Variants in MTRR observed in about 807,000 individuals in gnomAD.
MTRR encodes 5-methyltetrahydrofolate-homocysteine methyltransferase reductase, also known as methionine synthase reductase.
MTRR carries 63 observed loss-of-function variants against 79.2 expected under a neutral mutation model. The observed-to-expected ratio is 0.80, with a 90% CI of 0.65 to 0.98. MTRR has a LOEUF of 0.98. Among genes scored for constraint, MTRR ranks in the 50% least tolerant of loss-of-function variants. The pLI is 0.00. For synonymous variants in MTRR, 355 were observed against 313.3 expected (o/e 1.13, Z -1.41); for missense variants, 895 against 839.6 (o/e 1.07, Z -0.82).
chr5:7,882,426 C>T (rs950504194), intron 5 of MTRR, among the ~76,000 whole-genome samples: 3 of 152,114 alleles, frequency 2.0e-5, no homozygotes, highest in African/African-American at 7.2e-5. Flanking sequence ...ATCTCAGTAC[C>T]CCCACATTAT....
intron 1 of MTRR, chr5:7,870,149 G>A: frequency 3.5e-6 from 3 of 845,840 alleles, no homozygotes; most frequent in Non-Finnish European, 4.3e-6. Flanking sequence ...TTCGTTATAT[G>A]CACCCGTTTG....
intron 5 of MTRR, among the ~76,000 whole-genome samples, chr5:7,882,813 T>C (rs1048086143): frequency 2.6e-5 from 4 of 152,256 alleles, no homozygotes; most frequent in African/African-American, 9.6e-5. Context: ...ATCTGTCACA[T>C]TCTTCAAGAT....
At chr5:7,865,109 G>A (rs916672388), upstream of MTRR, among the ~76,000 whole-genome samples, 1 of 152,062 alleles carries the variant, frequency 6.6e-6, no homozygotes, top group African/African-American at 2.4e-5. Context: ...TGATTAGTGA[G>A]TCTCATTCCT....
intron 3 of MTRR, among the ~76,000 whole-genome samples, chr5:7,874,487 C>T (rs1748526994): frequency 6.6e-6 from 1 of 151,758 alleles, no homozygotes; most frequent in Non-Finnish European, 1.5e-5. Flanking sequence ...AAGCCTGTCC[C>T]ACTGTTCGAG....
rs1201701082 is a variant in MTRR at position 7,896,721 on chromosome 5, T to C, written c.1677-143T>C. ...CCATGACAGCCTGTGGAGAGTAAAA[T>C]GCTAATTAAATGACTGAATGTTCAA... On this transcript the variant is annotated intron_variant, in intron 12 of 14. Coordinates refer to ENST00000440940, the MANE Select transcript of MTRR (RefSeq NM_002454.3). 28 of 732,180 alleles carry C rather than the reference T, an allele frequency of 3.8e-5. No homozygotes were observed. The Admixed American group carries it at 5.9e-4, about 15-fold the overall frequency. The allele number at this position is 732,180 out of a possible 1,614,324, so 45.4% of individuals were successfully genotyped here. A position where few individuals can be genotyped will look rare whatever the true frequency, so the allele number is the denominator to read the frequency against.
At chr5:7,891,690 C>T (rs1737611670) in intron 10 of MTRR, among the ~76,000 whole-genome samples, 1 of 152,112 alleles carries the variant, frequency 6.6e-6, no homozygotes, top group South Asian at 2.1e-4. Context: ...GTCCGTGTGC[C>T]CAGCCACCTT....
At chr5:7,867,324 C>T (rs140630948), upstream of MTRR, 4 of 1,613,858 alleles carry the variant, frequency 2.5e-6, no homozygotes, top group African/African-American at 5.3e-5. Flanking sequence ...ACAATATCCT[C>T]CGGGGTAAAT....
intron 8 of MTRR, 81 bp from the exon 9 acceptor site, chr5:7,889,014 C>G: frequency 6.5e-7 from 1 of 1,541,530 alleles, no homozygotes; most frequent in Non-Finnish European, 8.9e-7. Context: ...TGGGTGCATC[C>G]CTAGGCAGAC....
chr5:7,890,386 A>G, intron 9 of MTRR: 1 of 985,452 alleles, frequency 1.0e-6, no homozygotes, highest in Non-Finnish European at 1.2e-6. Context: ...GAGAACCATC[A>G]GCAGGAATAG....
intron 1 of MTRR, chr5:7,870,507 C>T (rs1413486290): frequency 4.7e-6 from 2 of 428,308 alleles, no homozygotes; most frequent in African/African-American, 4.1e-5. Context: ...ACTTAGGAAA[C>T]ACAGATTCAA....
Position 7,885,853 on chromosome 5 carries a change from A to C in MTRR, c.1056A>C (p.Lys352Asn), listed in dbSNP as rs757997490. 2.8e-4 allele frequency: 458 copies of C among 1,614,004 alleles called. No homozygotes were observed. Among genetic ancestry groups the C allele is most frequent in the Non-Finnish European group, 3.8e-4 (447 of 1,180,018 alleles). The change falls in exon 7 of 15, where the codon AAA becomes AAC. Residue 352 changes from lysine to asparagine, a missense_variant and splice_region_variant. Lys to Asn is a moderately conservative substitution (Grantham distance 94). Coordinates refer to ENST00000440940, the MANE Select transcript of MTRR (RefSeq NM_002454.3). ...LLKIKADTKK[K>N]GATLPQHIPA... Reference sequence around the variant, plus strand: ...AAATAAAGGCAGACACAAAGAAGAAAGGTAACAGCCCTGATGCTGTGACGT... The same window carrying C: ...AAATAAAGGCAGACACAAAGAAGAACGGTAACAGCCCTGATGCTGTGACGT...
intron 1 of MTRR, among the ~76,000 whole-genome samples, chr5:7,858,321 T>C (rs1746313356): frequency 1.3e-5 from 2 of 152,156 alleles, no homozygotes; most frequent in Admixed American, 6.5e-5. Context: ...TGTGAAAAAG[T>C]GTAAATCATC....
chr5:7,857,154 C>T lies in MTRR; in HGVS notation n.392-4797C>T, dbSNP rs1746269741. 3.3e-5 allele frequency among the ~76,000 whole-genome samples: 5 copies of T among 152,180 alleles called. No individual in the cohort carries two copies. In the South Asian group the frequency reaches 1.0e-3, roughly 32 times the overall value. ...AATTTTTTTTCATTCATTTTTCTTG[C>T]TTTGCTTTACTTTTGAAAACAAATA... On this transcript the variant is annotated intron_variant and non_coding_transcript_variant, in intron 1 of 3. Transcript: ENST00000502509.
chr5:7,851,975 T>C (rs1746090946), intron 1 of MTRR, among the ~76,000 whole-genome samples: 1 of 152,242 alleles, frequency 6.6e-6, no homozygotes, highest in Admixed American at 6.5e-5. Context: ...GTGTTTGAGA[T>C]GAAGCATAGC....
intron 7 of MTRR, 47 bp downstream of exon 7, chr5:7,885,901 C>CT: frequency 6.2e-7 from 1 of 1,612,262 alleles, no homozygotes; most frequent in African/African-American, 1.3e-5. Flanking sequence ...GGCCAGTGGA[C>CT]TGGAGCTGAT....
At chr5:7,883,009 A>G (rs192386041) in intron 5 of MTRR, 146 bp from the exon 6 acceptor site, 2 of 959,348 alleles carry the variant, frequency 2.1e-6, no homozygotes, top group African/African-American at 1.6e-5. Flanking sequence ...CTAGCTCCAT[A>G]TATCTGCCCT....
At chr5:7,851,079 C>T, upstream of MTRR, 1 of 1,234,760 alleles carries the variant, frequency 8.1e-7, no homozygotes, top group Non-Finnish European at 1.0e-6. Flanking sequence ...GCCCAGGGGC[C>T]CAGTCGGAGT....
intron 1 of MTRR, among the ~76,000 whole-genome samples, chr5:7,853,407 A>G (rs1415629791): frequency 2.0e-5 from 3 of 152,180 alleles, no homozygotes; most frequent in Non-Finnish European, 2.9e-5. Flanking sequence ...TTTATGAATT[A>G]CCCAGTCTCA....
intron 10 of MTRR, 77 bp downstream of exon 10, chr5:7,891,491 T>G: frequency 8.0e-7 from 1 of 1,247,176 alleles, no homozygotes; most frequent in Non-Finnish European, 1.2e-6. Context: ...TCATTAGAGT[T>G]TACTAATTTA....
Sources: gnomAD v4.1 joint callset for allele counts (sites outside exome capture counted in the v4.1 genomes callset) on GRCh38, gnomAD v4.1.1 for gene constraint, MANE v1.5 for transcripts, NCBI Gene and HGNC (gene_info 2026-07-23, HGNC 2026-07-21) for gene names.